MACROD2: variants seen among roughly 807,000 people sequenced by gnomAD.
MACROD2 encodes the protein ADP-ribose glycohydrolase MACROD2.
Under a neutral mutation model 70.4 loss-of-function variants are expected in MACROD2, and 36 were observed. The ratio of observed to expected loss-of-function variants is 0.51; its 90% CI spans 0.39 to 0.68. The LOEUF is 0.68. MACROD2 is among the 30% of genes least tolerant of loss of function. The pLI, the probability that MACROD2 is intolerant of heterozygous loss-of-function variation, is 0.00. For synonymous variants in MACROD2, 172 were observed against 178.8 expected (o/e 0.96, Z 0.30); for missense variants, 496 against 538.4 (o/e 0.92, Z 0.78).
intron 5 of MACROD2, among the ~76,000 whole-genome samples, chr20:14,974,766 GA>G (rs59142462): frequency 0.011 from 1,664 of 152,206 alleles, 31 homozygotes; most frequent in African/African-American, 0.038. Flanking sequence ...AAGGGCAAGA[GA>G]GTCCTGTTGA....
At chr20:14,317,921 C>T (rs1424499734) in intron 3 of MACROD2, among the ~76,000 whole-genome samples, 1 of 152,190 alleles carries the variant, frequency 6.6e-6, no homozygotes, top group Admixed American at 6.5e-5. Flanking sequence ...GGGTCTGTAG[C>T]AGCAACAACG....
rs369879994 is a variant in MACROD2, at chr20:13,997,131, C to A, written c.46+1322C>A. 3.8e-4 allele frequency among the ~76,000 whole-genome samples: 57 copies of A among 151,860 alleles called. 1 individual carries two copies. In the East Asian group the frequency reaches 6.8e-3, roughly 18 times the overall value. On this transcript the variant is annotated intron_variant, in intron 1 of 17. Coordinates refer to ENST00000684519, the MANE Select transcript of MACROD2 (RefSeq NM_001351661.2). ...AGGAAGATTTAATAATAGAACCGAA[C>A]AACACAATTAAAATGATCTTTAAAA...
intron 10 of MACROD2, among the ~76,000 whole-genome samples, chr20:15,914,859 CTCTT>C (rs2065289521): frequency 6.6e-6 from 1 of 152,180 alleles, no homozygotes; most frequent in Admixed American, 6.5e-5. Context: ...GTTCCCATGA[CTCTT>C]TCTTGGGTTT....
intron 3 of MACROD2, among the ~76,000 whole-genome samples, chr20:14,369,859 C>T (rs1392832585): frequency 1.3e-5 from 2 of 152,142 alleles, no homozygotes; most frequent in African/African-American, 4.8e-5. Context: ...GATTTTCTTT[C>T]ACATAGTTTC....
chr20:15,200,365 C>T (rs2076645453), intron 5 of MACROD2, among the ~76,000 whole-genome samples: 1 of 152,086 alleles, frequency 6.6e-6, no homozygotes, highest in Admixed American at 6.6e-5. Flanking sequence ...CAATGTTTGA[C>T]CCTGTCACCC....
chr20:14,074,270 A>G (rs2053888325), intron 2 of MACROD2, among the ~76,000 whole-genome samples: 1 of 152,120 alleles, frequency 6.6e-6, no homozygotes, highest in Non-Finnish European at 1.5e-5. Flanking sequence ...TAATGTTTTT[A>G]CTGCTTTAAC....
intron 3 of MACROD2, among the ~76,000 whole-genome samples, chr20:14,350,314 C>T (rs561918038): frequency 2.2e-4 from 33 of 152,156 alleles, no homozygotes; most frequent in African/African-American, 6.3e-4. Context: ...AACTGTTCTC[C>T]GTAGTGGTTG....
chr20:14,138,763 C>CCACACACACACACA (rs11469437), intron 3 of MACROD2, among the ~76,000 whole-genome samples: 3 of 147,034 alleles, frequency 2.0e-5, no homozygotes, highest in Non-Finnish European at 3.0e-5. Context: ...CTTAAGTTTT[C>CCACACACACACACA]CACACACACA....
At chr20:14,160,715 T>G (rs1239796751) in intron 3 of MACROD2, among the ~76,000 whole-genome samples, 2 of 152,094 alleles carry the variant, frequency 1.3e-5, no homozygotes, top group Non-Finnish European at 2.9e-5. Flanking sequence ...TAGTTTCTGT[T>G]TAAGTTCTGC....
chr20:14,804,299 T>C (rs1455798731), intron 5 of MACROD2, among the ~76,000 whole-genome samples: 2 of 152,084 alleles, frequency 1.3e-5, no homozygotes, highest in Admixed American at 6.6e-5. Flanking sequence ...CTGTTTGCTT[T>C]TAAGCTTCAT....
chr20:14,120,366 G>A (rs917469358), intron 3 of MACROD2, among the ~76,000 whole-genome samples: 6 of 152,006 alleles, frequency 3.9e-5, no homozygotes, highest in African/African-American at 1.4e-4. Context: ...AAAAAGTCAG[G>A]AAACAAAAGA....
chr20:15,804,929 C>T (rs2063755611), intron 8 of MACROD2, among the ~76,000 whole-genome samples: 1 of 152,192 alleles, frequency 6.6e-6, no homozygotes, highest in African/African-American at 2.4e-5. Context: ...CCCTGACCAG[C>T]AGTGAGATAA....
At chr20:14,943,427 T>G (rs2074406267) in intron 5 of MACROD2, among the ~76,000 whole-genome samples, 1 of 152,192 alleles carries the variant, frequency 6.6e-6, no homozygotes, top group Non-Finnish European at 1.5e-5. Flanking sequence ...AGCAAGGCTT[T>G]TTAATTTTTT....
intron 8 of MACROD2, among the ~76,000 whole-genome samples, chr20:15,749,132 CTGTTT>C (rs1441681786): frequency 6.6e-6 from 1 of 152,024 alleles, no homozygotes; most frequent in East Asian, 1.9e-4. Flanking sequence ...AATAATTTGT[CTGTTT>C]TAACATCTTG....
chr20:15,834,830 C>T (rs1167872243), intron 8 of MACROD2, among the ~76,000 whole-genome samples: 3 of 152,172 alleles, frequency 2.0e-5, no homozygotes, highest in Non-Finnish European at 4.4e-5. Context: ...TTAACCATGG[C>T]CCCATGACTC....
intron 8 of MACROD2, among the ~76,000 whole-genome samples, chr20:15,710,840 C>T (rs1377428060): frequency 1.3e-5 from 2 of 152,168 alleles, no homozygotes; most frequent in Non-Finnish European, 2.9e-5. Context: ...CTTGACCTTC[C>T]AGAGGCCTCA....
At chr20:14,395,622 T>C (rs2083572758) in intron 3 of MACROD2, among the ~76,000 whole-genome samples, 1 of 152,132 alleles carries the variant, frequency 6.6e-6, no homozygotes, top group Admixed American at 6.5e-5. Context: ...TATTTTCTTC[T>C]GCTCATTTTG....
chr20:14,520,094 G>T (rs918772877), intron 4 of MACROD2, among the ~76,000 whole-genome samples: 2 of 152,264 alleles, frequency 1.3e-5, no homozygotes, highest in African/African-American at 4.8e-5. Context: ...GAGTGAATCA[G>T]AAAAAATATC....
At chr20:15,866,655 C>A (rs1168224646) in intron 9 of MACROD2, among the ~76,000 whole-genome samples, 1 of 152,142 alleles carries the variant, frequency 6.6e-6, no homozygotes, top group Non-Finnish European at 1.5e-5. Context: ...GATCAACTTC[C>A]AGGCTGCATT....
Sources: gnomAD v4.1 joint callset for allele counts (sites outside exome capture counted in the v4.1 genomes callset) on GRCh38, gnomAD v4.1.1 for gene constraint, MANE v1.5 for transcripts, NCBI Gene and HGNC (gene_info 2026-07-23, HGNC 2026-07-21) for gene names.